ICA1: variants seen among roughly 807,000 people sequenced by gnomAD.
ICA1 encodes the protein islet cell autoantigen 1.
A neutral mutation model predicts 71.0 loss-of-function variants in ICA1; 40 were observed. The observed-to-expected ratio is 0.56, with a 90% CI of 0.44 to 0.73. The LOEUF is 0.73. ICA1 is among the 30% of genes least tolerant of loss of function. The probability of loss-of-function intolerance (pLI) is 0.00; values close to 1 mark genes in which losing one functional copy is unlikely to be tolerated. For missense variants in ICA1, 578 were observed against 576.5 expected (o/e 1.00, Z -0.03); for synonymous variants, 207 against 209.5 (o/e 0.99, Z 0.10).
chr7:8,193,042 T>C (rs1165718382), intron 6 of ICA1, among the ~76,000 whole-genome samples: 9 of 152,198 alleles, frequency 5.9e-5, no homozygotes, highest in Non-Finnish European at 1.5e-5. Flanking sequence ...GGAGGGTATG[T>C]AGAAACAAAG....
At position 8,181,616 on chromosome 7, in the gene ICA1, C is replaced by G. The variant is rs183826207; in HGVS notation, c.580-22964G>C. 1.6e-4 allele frequency among the ~76,000 whole-genome samples: 25 copies of G among 152,264 alleles called. No homozygotes were observed. In the East Asian group the frequency reaches 4.6e-3, roughly 28 times the overall value. The stretch of plus-strand genomic sequence containing the variant: ...ATTCATAAATATGGTACATTCCTCT[C>G]TTTTCTTAAACCTGCTTTAATTTTC... On this transcript the variant is annotated intron_variant, in intron 6 of 13. Transcript: ENST00000402384.
rs1488652651 is a variant in ICA1, at chr7:8,155,298, A to G, written c.804+1818T>C. Among the ~76,000 whole-genome samples, 5 of 152,226 alleles carry G rather than the reference A, an allele frequency of 3.3e-5. No individual in the cohort carries two copies. In the East Asian group the frequency reaches 9.6e-4, roughly 29 times the overall value. On this transcript the variant is annotated intron_variant, in intron 8 of 13. Coordinates refer to ENST00000402384, the MANE Select transcript of ICA1 (RefSeq NM_001136020.3). Reference sequence around the variant, plus strand: ...GCTAACAGATAGTCATCTGCCCAAAATATTTGTAAGTATGTCCTGAACCAC... The same window carrying G: ...GCTAACAGATAGTCATCTGCCCAAAGTATTTGTAAGTATGTCCTGAACCAC...
chr7:8,195,704 G>T (rs1787233674), intron 6 of ICA1, among the ~76,000 whole-genome samples: 1 of 151,992 alleles, frequency 6.6e-6, no homozygotes, highest in Non-Finnish European at 1.5e-5. Flanking sequence ...ATCCGGCCGG[G>T]CACAGTGGCT....
At chr7:8,131,098 T>G (rs1166242615) in intron 12 of ICA1, among the ~76,000 whole-genome samples, 1 of 152,124 alleles carries the variant, frequency 6.6e-6, no homozygotes, top group Non-Finnish European at 1.5e-5. Context: ...TATAGAAACT[T>G]AATGGAAGAG....
At chr7:8,221,509 G>T in intron 4 of ICA1, 111 bp from the exon 5 acceptor site, 5 of 1,252,722 alleles carry the variant, frequency 4.0e-6, no homozygotes, top group Non-Finnish European at 1.1e-6. Flanking sequence ...AAGACGAGAT[G>T]AAATTAAATC....
intron 6 of ICA1, among the ~76,000 whole-genome samples, chr7:8,199,067 G>A (rs1296743014): frequency 1.3e-5 from 2 of 152,170 alleles, no homozygotes; most frequent in African/African-American, 4.8e-5. Flanking sequence ...CAGTTAAAAT[G>A]GCCTTTATCC....
At chr7:8,149,497 T>C (rs1026171510) in intron 8 of ICA1, among the ~76,000 whole-genome samples, 2 of 152,224 alleles carry the variant, frequency 1.3e-5, no homozygotes, top group African/African-American at 4.8e-5. Flanking sequence ...TGCAAAAGTG[T>C]CTTAGAAAGG....
At chr7:8,131,250 CCTTG>C (rs1209659332) in intron 12 of ICA1, among the ~76,000 whole-genome samples, 1 of 152,196 alleles carries the variant, frequency 6.6e-6, no homozygotes, top group African/African-American at 2.4e-5. Context: ...CTGGATCCAG[CCTTG>C]CTTGAAGCCA....
chr7:8,166,835 A>G (rs891712691), intron 6 of ICA1, among the ~76,000 whole-genome samples: 1 of 152,182 alleles, frequency 6.6e-6, no homozygotes, highest in Non-Finnish European at 1.5e-5. Flanking sequence ...AAAACCATAA[A>G]CAGACACTAT....
intron 8 of ICA1, among the ~76,000 whole-genome samples, chr7:8,150,617 G>A (rs1262112214): frequency 6.6e-6 from 1 of 152,170 alleles, no homozygotes; most frequent in Non-Finnish European, 1.5e-5. Flanking sequence ...AAATACCCCA[G>A]CCAGCATGTA....
intron 6 of ICA1, among the ~76,000 whole-genome samples, chr7:8,196,004 AACAC>A (rs1198146204): frequency 1.4e-4 from 22 of 151,950 alleles, no homozygotes; most frequent in Non-Finnish European, 2.5e-4. Flanking sequence ...CAACAACACC[AACAC>A]CAACACCAAA....
intron 6 of ICA1, among the ~76,000 whole-genome samples, chr7:8,217,178 T>C (rs1795667339): frequency 6.6e-6 from 1 of 152,244 alleles, no homozygotes; most frequent in African/African-American, 2.4e-5. Flanking sequence ...TTCAGAAGCC[T>C]ACCTTTTGAA....
At chr7:8,129,854 TC>T (rs1313413103) in intron 12 of ICA1, among the ~76,000 whole-genome samples, 1 of 53,586 alleles carries the variant, frequency 1.9e-5, no homozygotes, top group Non-Finnish European at 3.5e-5. Context: ...CCCTCCCCCC[TC>T]CCCCCACCCC....
intron 1 of ICA1, among the ~76,000 whole-genome samples, chr7:8,249,416 G>A (rs993319899): frequency 1.3e-5 from 2 of 152,206 alleles, no homozygotes; most frequent in Non-Finnish European, 2.9e-5. Flanking sequence ...CGCAACAGGG[G>A]AAACAGAGGG....
chr7:8,247,057 T>C (rs1226054533), intron 1 of ICA1, among the ~76,000 whole-genome samples: 2 of 152,064 alleles, frequency 1.3e-5, no homozygotes, highest in African/African-American at 4.8e-5. Context: ...TTCCTTTTCA[T>C]ATATGCTTGC....
At chr7:8,131,778 T>A (rs561380880) in intron 12 of ICA1, among the ~76,000 whole-genome samples, 1 of 152,222 alleles carries the variant, frequency 6.6e-6, no homozygotes, top group African/African-American at 2.4e-5. Context: ...AATAGCTCTA[T>A]AGTCAGTTGG....
At position 8,255,779 on chromosome 7, in the gene ICA1, C is replaced by CTTTTTTTTTTT. The variant is rs573673718; in HGVS notation, c.-80+6304_-80+6314dup. Among the ~76,000 whole-genome samples, 1,307 of 132,624 alleles carry CTTTTTTTTTTT rather than the reference C, an allele frequency of 9.9e-3. 41 individuals carry two copies. Among genetic ancestry groups the CTTTTTTTTTTT allele is most frequent in the African/African-American group, 0.035 (1,131 of 32,666 alleles). The allele number at this position is 132,624 out of a possible 152,430, so 87.0% of individuals were successfully genotyped here. ...TAAGTTGAAAACCTCACTTCTTTCT[C>CTTTTTTTTTTT]TTTTTTTTTTTTTTTGGCAGGGTCT... On this transcript the variant is annotated intron_variant, in intron 1 of 13. Transcript: ENST00000402384.
At chr7:8,228,720 G>T in intron 3 of ICA1, 47 bp from the exon 4 acceptor site, 1 of 1,308,966 alleles carries the variant, frequency 7.6e-7, no homozygotes, top group Non-Finnish European at 1.1e-6. Flanking sequence ...AGACAGTGGT[G>T]AGATAAAAAA....
intron 8 of ICA1, among the ~76,000 whole-genome samples, chr7:8,146,534 C>G (rs1013115863): frequency 6.6e-6 from 1 of 152,076 alleles, no homozygotes; most frequent in Non-Finnish European, 1.5e-5. Flanking sequence ...TCATCTTTTG[C>G]TCTGTCTCCC....
Sources: allele counts gnomAD v4.1 joint callset (sites outside exome capture counted in the v4.1 genomes callset), GRCh38; gene constraint gnomAD v4.1.1; transcripts MANE v1.5; gene names NCBI Gene and HGNC (gene_info 2026-07-23, HGNC 2026-07-21).